CMKLR2: variants seen among roughly 807,000 people sequenced by gnomAD.
The protein encoded by CMKLR2 is chemerin chemokine-like receptor 2, also known as chemerin-like receptor 2.
A neutral mutation model predicts 23.0 loss-of-function variants in CMKLR2; 18 were observed. The ratio of observed to expected loss-of-function variants is 0.78; its 90% confidence interval spans 0.54 to 1.16. The LOEUF is 1.16. Ranked by LOEUF, CMKLR2 falls within the 50% of genes most tolerant of loss-of-function variation. CMKLR2 has a pLI of 0.00. For missense variants in CMKLR2, 401 were observed against 412.7 expected (o/e 0.97, Z 0.25); for synonymous variants, 158 against 158.9 (o/e 0.99, Z 0.05).
chr2:206,196,391 A>AAAATAAAT (rs145895468), intron 1 of CMKLR2, among the ~76,000 whole-genome samples: 8,593 of 151,256 alleles, frequency 0.057, 299 homozygotes, highest in East Asian at 0.15. Flanking sequence ...AATAAAAATA[A>AAAATAAAT]AAATAAATAA....
At position 206,179,023 on chromosome 2, in the gene CMKLR2, A is replaced by T. The variant is rs10188984; in HGVS notation, c.-28-1748T>A. 7.3e-3 allele frequency among the ~76,000 whole-genome samples: 1,037 copies of T among 142,470 alleles called. 9 individuals are homozygous for T. The highest frequency in any genetic ancestry group is 0.026 in the African/African-American group (995 of 38,458). The allele number at this position is 142,470 out of a possible 152,430, so 93.5% of individuals were successfully genotyped here. A position where few individuals can be genotyped will look rare whatever the true frequency, so the allele number is the denominator to read the frequency against. ...TTTTGTCTCTTATAATTTCTACCAA[A>T]GTAAGTTTTATTTTGTGCCCGCTCC... On this transcript the variant is annotated intron_variant, in intron 1 of 1. Coordinates refer to ENST00000621141, the MANE Select transcript of CMKLR2 (RefSeq NM_001389445.1).
At chr2:206,199,871 C>A (rs1040696090) in intron 1 of CMKLR2, among the ~76,000 whole-genome samples, 2 of 152,002 alleles carry the variant, frequency 1.3e-5, no homozygotes, top group Non-Finnish European at 2.9e-5. Context: ...CGTGAGACAC[C>A]GTGCCCGGCC....
At chr2:206,203,746 G>A (rs1002228054) in intron 1 of CMKLR2, 12 of 152,222 alleles carry the variant, frequency 7.9e-5, no homozygotes, top group African/African-American at 2.7e-4. Context: ...GGGCGGTCGT[G>A]GGAAGCCTCA....
At chr2:206,194,939 G>A (rs948944706) in intron 1 of CMKLR2, among the ~76,000 whole-genome samples, 4 of 150,542 alleles carry the variant, frequency 2.7e-5, no homozygotes, top group Non-Finnish European at 5.9e-5. Flanking sequence ...TGTATTTTTA[G>A]TAGACACGGA....
upstream of CMKLR2, among the ~76,000 whole-genome samples, chr2:206,214,164 G>GTTTTTTTTTTT (rs1271009931): frequency 5.1e-5 from 4 of 78,858 alleles, no homozygotes; most frequent in Non-Finnish European, 4.8e-5. Flanking sequence ...TTAAAGACTT[G>GTTTTTTTTTTT]ATTTTTTTTT....
At position 206,176,977 on chromosome 2, in the gene CMKLR2, G is replaced by A. The variant is rs1232393144; in HGVS notation, c.271C>T (p.Pro91Ser). The A allele has an allele frequency of 3.1e-6, 5 of 1,614,242 alleles. No individual in the cohort carries two copies. The highest frequency in any genetic ancestry group is 4.2e-6 in the Non-Finnish European group (5 of 1,180,042). The change falls in exon 2 of 2, where the codon CCC becomes TCC. Residue 91 changes from proline (P) to serine (S), a missense_variant. Coordinates refer to ENST00000621141, the MANE Select transcript of CMKLR2 (RefSeq NM_001389445.1). The part of the protein sequence containing the change: ...IADFIFLLFL[P>S]LYISYVAMNF... Reference sequence around the variant, plus strand: ...ATGGCCACATAGGAGATGTACAGGGGCAGAAAGAGAAGAAAAATGAAATCC... The same window carrying A: ...ATGGCCACATAGGAGATGTACAGGGACAGAAAGAGAAGAAAAATGAAATCC...
chr2:206,193,942 G>A (rs1688835323), intron 1 of CMKLR2, among the ~76,000 whole-genome samples: 1 of 152,208 alleles, frequency 6.6e-6, no homozygotes, highest in Non-Finnish European at 1.5e-5. Context: ...GACATTGATA[G>A]AAGTCCAGGG....
At chr2:206,203,070 A>G (rs1049331742) in intron 1 of CMKLR2, among the ~76,000 whole-genome samples, 1 of 150,482 alleles carries the variant, frequency 6.6e-6, no homozygotes, top group African/African-American at 2.4e-5. Context: ...TAATCCCAGC[A>G]TTTGGGAGGC....
chr2:206,210,652 G>T (rs1373023684), intron 1 of CMKLR2, among the ~76,000 whole-genome samples: 1 of 151,836 alleles, frequency 6.6e-6, no homozygotes, highest in Non-Finnish European at 1.5e-5. Context: ...GTAGAGACGG[G>T]GTTTCTCCAT....
At chr2:206,181,035 T>G (rs547584194) in intron 1 of CMKLR2, among the ~76,000 whole-genome samples, 1 of 150,978 alleles carries the variant, frequency 6.6e-6, no homozygotes, top group African/African-American at 2.4e-5. Flanking sequence ...ATTGGGATTT[T>G]AGGCATAAGC....
chr2:206,197,057 G>C (rs1209600037), intron 1 of CMKLR2, among the ~76,000 whole-genome samples: 1 of 152,008 alleles, frequency 6.6e-6, no homozygotes. Context: ...CTACAGGTGC[G>C]CACCACCACG....
At position 206,175,510 on chromosome 2, in the gene CMKLR2, T is replaced by G. The variant is rs1688177194; in HGVS notation, c.*670A>C. On this transcript the variant is annotated 3_prime_UTR_variant, in exon 2 of 2. Transcript: ENST00000621141. ...TTTATTTATCTATTTTATTTATTTA[T>G]TTTTGAGACAGAGTTTTACTCTTGT... 6.6e-6 allele frequency: 1 copy of G among 152,218 alleles called. No individual in the cohort carries two copies. The highest frequency in any genetic ancestry group is 2.1e-4 in the South Asian group (1 of 4,820). 9.4% of individuals were successfully genotyped at this position (152,218 alleles called of 1,614,324 possible).
chr2:206,202,168 C>A (rs1014518952), intron 1 of CMKLR2, among the ~76,000 whole-genome samples: 1 of 152,128 alleles, frequency 6.6e-6, no homozygotes, highest in African/African-American at 2.4e-5. Context: ...GAGGGTGGTA[C>A]ATTTCTCATA....
chr2:206,177,074 G>A lies in CMKLR2; in HGVS notation c.174C>T (p.Ile58=), dbSNP rs770060810. 42 of 1,614,060 alleles carry A rather than the reference G, an allele frequency of 2.6e-5. No homozygotes were observed. Among genetic ancestry groups the A allele is most frequent in the Non-Finnish European group, 3.2e-5 (38 of 1,180,030 alleles). The change falls in exon 2 of 2, where the codon ATC becomes ATT. Residue 58 remains isoleucine, a synonymous_variant. Transcript: ENST00000621141. ...AFVLGIPGNA[I]VIWFTGFKWK... is the part of the protein sequence containing the mutation. ...ACTTGAACCCCGTGAACCAAATGAC[G>A]ATGGCATTTCCTGGAATTCCCAGAA...
chr2:206,205,192 C>T (rs534584335), intron 1 of CMKLR2, among the ~76,000 whole-genome samples: 2 of 152,160 alleles, frequency 1.3e-5, no homozygotes, highest in Non-Finnish European at 2.9e-5. Flanking sequence ...TTCCACTTAC[C>T]ATACCTAGAA....
At chr2:206,193,091 G>C (rs894981835) in intron 1 of CMKLR2, among the ~76,000 whole-genome samples, 1 of 152,048 alleles carries the variant, frequency 6.6e-6, no homozygotes, top group Non-Finnish European at 1.5e-5. Flanking sequence ...CAGATATGGA[G>C]GGCCAACTGT....
intron 1 of CMKLR2, among the ~76,000 whole-genome samples, chr2:206,190,288 G>A (rs765001456): frequency 2.6e-5 from 4 of 152,304 alleles, no homozygotes; most frequent in East Asian, 1.9e-4. Context: ...GATGACAAAG[G>A]CCTTTGAATG....
At chr2:206,178,565 TTA>T (rs958022821) in intron 1 of CMKLR2, among the ~76,000 whole-genome samples, 5 of 152,352 alleles carry the variant, frequency 3.3e-5, no homozygotes, top group African/African-American at 1.2e-4. Context: ...ATTTAAATTT[TTA>T]TCTTATTGAA....
At chr2:206,205,803 G>A (rs1035969117) in intron 1 of CMKLR2, among the ~76,000 whole-genome samples, 9 of 151,970 alleles carry the variant, frequency 5.9e-5, no homozygotes, top group Non-Finnish European at 1.0e-4. Flanking sequence ...AGGTTCAAGC[G>A]ATTCTCCTGC....
Sources: allele counts gnomAD v4.1 joint callset (sites outside exome capture counted in the v4.1 genomes callset), GRCh38; gene constraint gnomAD v4.1.1; transcripts MANE v1.5; gene names NCBI Gene and HGNC (gene_info 2026-07-23, HGNC 2026-07-21).